The following COBL variants were observed in gnomAD, a reference collection of about 807,000 sequenced individuals.
COBL encodes cordon-bleu WH2 repeat protein.
A neutral mutation model predicts 98.8 loss-of-function variants in COBL; 51 were observed. That is an observed-to-expected ratio of 0.52 (90% confidence interval 0.41 to 0.65). The LOEUF is 0.65. Among genes scored for constraint, COBL ranks in the 30% least tolerant of loss-of-function variants. COBL has a pLI of 0.00. For missense variants in COBL, 1,617 were observed against 1,617.5 expected, an observed-to-expected ratio of 1.00 and a Z score of 0.01; for synonymous variants, 634 against 651.7, an observed-to-expected ratio of 0.97 and a Z score of 0.41.
intron 1 of COBL, among the ~76,000 whole-genome samples, chr7:51,244,793 C>T (rs781407935): frequency 6.6e-6 from 1 of 152,140 alleles, no homozygotes; most frequent in African/African-American, 2.4e-5. Context: ...TTCCAAGTCC[C>T]GGAAGACCTC....
At chr7:51,229,574 C>T (rs545010330) in intron 1 of COBL, among the ~76,000 whole-genome samples, 1 of 152,346 alleles carries the variant, frequency 6.6e-6, no homozygotes, top group East Asian at 1.9e-4. Context: ...AGAGCCAAGT[C>T]AGCTCTGTAC....
intron 1 of COBL, among the ~76,000 whole-genome samples, chr7:51,251,786 A>C (rs1796746005): frequency 6.6e-6 from 1 of 152,194 alleles, no homozygotes; most frequent in Admixed American, 6.5e-5. Context: ...AAAAATGTTG[A>C]AAGATTGGTA....
intron 6 of COBL, among the ~76,000 whole-genome samples, chr7:51,091,637 T>C (rs939875655): frequency 2.6e-5 from 4 of 151,980 alleles, no homozygotes; most frequent in Admixed American, 1.3e-4. Context: ...ATTCTCCAAA[T>C]TGGAGGAAGG....
At position 51,136,312 on chromosome 7, in the gene COBL, T is replaced by G; in HGVS notation, c.803A>C (p.Asn268Thr). ...SNSKGCLTTP[N>T]SPSMHSRSLT... ...AGAACGTGAGTGCATGGATGGGGAG[T>G]TGGGGGTCGTTAAACAGCCCTGTTG... The change falls in exon 6 of 13, where the codon AAC becomes ACC. Residue 268 changes from asparagine (N) to threonine (T), a missense_variant. Physicochemically the swap from Asn to Thr is moderately conservative, Grantham distance 65 (BLOSUM62 0). Coordinates refer to ENST00000265136, the MANE Select transcript of COBL (RefSeq NM_015198.5). 1 of 1,612,002 alleles carries G rather than the reference T, an allele frequency of 6.2e-7. No individual in the cohort carries two copies. Among genetic ancestry groups the G allele is most frequent in the Non-Finnish European group, 8.5e-7 (1 of 1,179,430 alleles).
intron 5 of COBL, among the ~76,000 whole-genome samples, chr7:51,137,185 T>C (rs574814391): frequency 6.6e-6 from 1 of 152,220 alleles, no homozygotes; most frequent in South Asian, 2.1e-4. Context: ...ATGGACACAG[T>C]CAACACTGAG....
rs147013536 is a variant in COBL, at chr7:51,081,295, G to A, written c.1096+3871C>T. ...GAGGGAGAAGGTGAATTATGACGCT[G>A]AGGGCAAAGGAAGTCCCAGGTGCCT... is the stretch of plus-strand genomic sequence containing the variant. On this transcript the variant is annotated intron_variant, in intron 7 of 12. Transcript: ENST00000265136. 7.5e-4 allele frequency among the ~76,000 whole-genome samples: 115 copies of A among 152,336 alleles called. No individual in the cohort carries two copies. The East Asian group carries it at 0.019, about 25-fold the overall frequency.
At chr7:51,116,020 T>C (rs1365291474) in intron 6 of COBL, among the ~76,000 whole-genome samples, 1 of 152,110 alleles carries the variant, frequency 6.6e-6, no homozygotes, top group Non-Finnish European at 1.5e-5. Context: ...ACCCATCTAG[T>C]CACTCCAGTT....
Position 51,206,823 on chromosome 7 carries a change from A to T in COBL, c.245+12918T>A, listed in dbSNP as rs531594062. On this transcript the variant is annotated intron_variant, in intron 2 of 12. Coordinates refer to ENST00000265136, the MANE Select transcript of COBL (RefSeq NM_015198.5). ...TTATATGTGGAATCTAAAATAGTTG[A>T]ACTCCCAGAAGCAGAGAACAGAAGA... Among the ~76,000 whole-genome samples, 7 of 152,344 alleles carry T rather than the reference A, an allele frequency of 4.6e-5. No individual in the cohort carries two copies. In the South Asian group the frequency reaches 1.5e-3, roughly 32 times the overall value.
chr7:51,106,060 C>T (rs1016702625), intron 6 of COBL, among the ~76,000 whole-genome samples: 17 of 145,030 alleles, frequency 1.2e-4, no homozygotes, highest in Non-Finnish European at 2.0e-4. Flanking sequence ...AAAAAATTGT[C>T]GGGGGTGGTG....
chr7:51,089,833 T>C (rs992209694), intron 6 of COBL, among the ~76,000 whole-genome samples: 3 of 152,184 alleles, frequency 2.0e-5, no homozygotes, highest in Non-Finnish European at 2.9e-5. Flanking sequence ...TTTATCTTTT[T>C]TTTTTTCCTT....
intron 5 of COBL, among the ~76,000 whole-genome samples, chr7:51,154,958 C>A (rs184893457): frequency 1.2e-3 from 180 of 152,288 alleles, no homozygotes; most frequent in Non-Finnish European, 1.6e-3. Context: ...GTTCAATGAA[C>A]ACATCTAAGT....
chr7:51,225,903 T>G (rs1256184477), intron 1 of COBL, among the ~76,000 whole-genome samples: 1 of 152,094 alleles, frequency 6.6e-6, no homozygotes, highest in Non-Finnish European at 1.5e-5. Flanking sequence ...AAAACCTAAC[T>G]CTATAGGTGA....
At chr7:51,282,798 T>A (rs1314357531) in intron 1 of COBL, among the ~76,000 whole-genome samples, 1 of 151,308 alleles carries the variant, frequency 6.6e-6, no homozygotes, top group African/African-American at 2.4e-5. Flanking sequence ...TCCTGGGACA[T>A]AAAACAAACC....
intron 2 of COBL, among the ~76,000 whole-genome samples, chr7:51,216,887 G>C (rs779601537): frequency 1.4e-4 from 21 of 152,170 alleles, no homozygotes; most frequent in Non-Finnish European, 2.2e-4. Context: ...AAAACAAGTA[G>C]ATCTATTTTA....
chr7:51,124,799 AT>A (rs1230194458), intron 6 of COBL, among the ~76,000 whole-genome samples: 3 of 149,534 alleles, frequency 2.0e-5, no homozygotes, highest in Non-Finnish European at 3.0e-5. Context: ...TTTGTTTCCA[AT>A]TTTTTTTCTT....
intron 1 of COBL, among the ~76,000 whole-genome samples, chr7:51,287,986 A>T (rs1346921322): frequency 6.6e-6 from 1 of 152,218 alleles, no homozygotes; most frequent in Non-Finnish European, 1.5e-5. Context: ...ATGGAGAACA[A>T]ATCAGTGGTT....
chr7:51,026,920 C>T lies in COBL; in HGVS notation c.3385-255G>A, dbSNP rs73118404. Among the ~76,000 whole-genome samples the T allele has an allele frequency of 6.2e-3, 940 of 152,248 alleles. 1 individual carries two copies. Among genetic ancestry groups the T allele is most frequent in the Non-Finnish European group, 0.01 (701 of 68,016 alleles). On this transcript the variant is annotated intron_variant, in intron 10 of 12. Coordinates refer to ENST00000265136, the MANE Select transcript of COBL (RefSeq NM_015198.5). ...CTCAGGAAAAAAAAAGAAAGAAAAT[C>T]CACTCATGTCAGCCGAGGCCTATAG...
chr7:51,019,696 C>T (rs1786731423), intron 12 of COBL, among the ~76,000 whole-genome samples: 1 of 152,166 alleles, frequency 6.6e-6, no homozygotes, highest in African/African-American at 2.4e-5. Context: ...AGAACAGTCA[C>T]ACGCAAAGAG....
chr7:51,276,779 A>G (rs1799348393), intron 1 of COBL, among the ~76,000 whole-genome samples: 1 of 152,164 alleles, frequency 6.6e-6, no homozygotes, highest in Non-Finnish European at 1.5e-5. Flanking sequence ...GATGGGAGGA[A>G]AACCCAAGGG....
Sources: allele counts gnomAD v4.1 joint callset (sites outside exome capture counted in the v4.1 genomes callset), GRCh38; gene constraint gnomAD v4.1.1; transcripts MANE v1.5; gene names NCBI Gene and HGNC (gene_info 2026-07-23, HGNC 2026-07-21).